Variants in CNTN5 observed in about 807,000 individuals in gnomAD.
CNTN5 encodes the protein contactin 5.
CNTN5 carries 77 observed loss-of-function variants against 129.1 expected under a neutral mutation model. The ratio of observed to expected loss-of-function variants is 0.60; its 90% CI spans 0.50 to 0.72. The LOEUF (loss-of-function observed/expected upper bound fraction) is 0.72. Ranked by LOEUF, CNTN5 falls within the 30% of genes least tolerant of loss-of-function variation. The pLI is 0.00. For missense variants in CNTN5, 1,478 were observed against 1,328.8 expected, an observed-to-expected ratio of 1.11 and a Z score of -1.75; for synonymous variants, 509 against 465.6, an observed-to-expected ratio of 1.09 and a Z score of -1.20.
At chr11:99,569,144 T>G (rs1376185513) in intron 3 of CNTN5, among the ~76,000 whole-genome samples, 1 of 152,140 alleles carries the variant, frequency 6.6e-6, no homozygotes, top group Non-Finnish European at 1.5e-5. Flanking sequence ...TTGAATATTT[T>G]GCAATTATGA....
At chr11:99,099,708 G>C (rs563772036) in intron 1 of CNTN5, among the ~76,000 whole-genome samples, 7 of 152,168 alleles carry the variant, frequency 4.6e-5, no homozygotes, top group South Asian at 4.1e-4. Flanking sequence ...CCCAGTATTT[G>C]CTGTTTTTCT....
chr11:99,629,121 A>C (rs1410040184), intron 3 of CNTN5, among the ~76,000 whole-genome samples: 1 of 152,076 alleles, frequency 6.6e-6, no homozygotes, highest in African/African-American at 2.4e-5. Context: ...TTACAGGCCT[A>C]CTAATGAAAA....
intron 3 of CNTN5, among the ~76,000 whole-genome samples, chr11:99,616,754 A>C (rs1277831621): frequency 6.6e-6 from 1 of 152,202 alleles, no homozygotes; most frequent in Non-Finnish European, 1.5e-5. Context: ...GAGGTAAAGA[A>C]GGTGAAATAT....
intron 3 of CNTN5, among the ~76,000 whole-genome samples, chr11:99,575,163 T>A (rs1223808658): frequency 2.0e-5 from 3 of 152,240 alleles, no homozygotes; most frequent in African/African-American, 7.2e-5. Flanking sequence ...ACCTTAAGTA[T>A]CTCAATTTTT....
At chr11:100,169,307 G>T (rs1005911694) in intron 13 of CNTN5, among the ~76,000 whole-genome samples, 5 of 151,974 alleles carry the variant, frequency 3.3e-5, no homozygotes, top group South Asian at 2.1e-4. Flanking sequence ...TTTCATGAAA[G>T]GAAGAGTCCA....
chr11:99,757,460 T>A (rs1449714745), intron 3 of CNTN5, among the ~76,000 whole-genome samples: 3 of 151,948 alleles, frequency 2.0e-5, no homozygotes, highest in African/African-American at 7.2e-5. Context: ...AACTTCATTT[T>A]AACTTGATTA....
Position 99,255,228 on chromosome 11 carries a change from A to G in CNTN5, c.-209-70118A>G, listed in dbSNP as rs12417476. Among the ~76,000 whole-genome samples the G allele has an allele frequency of 3.8e-3, 583 of 151,994 alleles. 8 individuals are homozygous for G. In the East Asian group the frequency reaches 0.046, roughly 12 times the overall value. On this transcript the variant is annotated intron_variant, in intron 1 of 24. Coordinates refer to ENST00000524871, the MANE Select transcript of CNTN5 (RefSeq NM_014361.4). Reference sequence around the variant, plus strand: ...CCAGAAAAGAGTTAATGATTTGGGGATGATTATTTTTAAAATATATCCAGA... The same window carrying G: ...CCAGAAAAGAGTTAATGATTTGGGGGTGATTATTTTTAAAATATATCCAGA...
chr11:100,070,014 C>G (rs1206320248), intron 10 of CNTN5, among the ~76,000 whole-genome samples: 2 of 151,952 alleles, frequency 1.3e-5, no homozygotes, highest in Non-Finnish European at 2.9e-5. Flanking sequence ...TATATATACA[C>G]AGAGAGATAG....
chr11:100,144,377 C>G (rs1205026319), intron 13 of CNTN5, among the ~76,000 whole-genome samples: 2 of 152,086 alleles, frequency 1.3e-5, no homozygotes, highest in African/African-American at 4.8e-5. Context: ...CTCCTGCTTT[C>G]CTTCCACTTT....
chr11:99,925,631 G>A (rs1388215386), intron 7 of CNTN5, among the ~76,000 whole-genome samples: 1 of 152,082 alleles, frequency 6.6e-6, no homozygotes, highest in East Asian at 1.9e-4. Context: ...GAGGTCTTCA[G>A]TTTTTGTGTA....
chr11:100,045,953 TTTA>T (rs1942646021), intron 9 of CNTN5, among the ~76,000 whole-genome samples: 1 of 152,066 alleles, frequency 6.6e-6, no homozygotes, highest in South Asian at 2.1e-4. Context: ...ATTAACATCT[TTTA>T]TTTTATTTTA....
At chr11:99,180,845 T>C (rs1032555981) in intron 1 of CNTN5, among the ~76,000 whole-genome samples, 3 of 152,190 alleles carry the variant, frequency 2.0e-5, no homozygotes. Flanking sequence ...GAGAGTCATA[T>C]TGTGAGAATT....
intron 2 of CNTN5, among the ~76,000 whole-genome samples, chr11:99,356,190 C>CT (rs1565516507): frequency 1.3e-5 from 1 of 79,094 alleles, no homozygotes; most frequent in Admixed American, 1.2e-4. Flanking sequence ...CCTTAACCAC[C>CT]CCCCCCCAAC....
At chr11:99,926,238 A>T (rs1288060985) in intron 7 of CNTN5, among the ~76,000 whole-genome samples, 1 of 152,116 alleles carries the variant, frequency 6.6e-6, no homozygotes, top group African/African-American at 2.4e-5. Flanking sequence ...GTTGGCAGAG[A>T]TTAGTTGACA....
intron 1 of CNTN5, among the ~76,000 whole-genome samples, chr11:99,153,616 A>G (rs1441423772): frequency 1.3e-5 from 2 of 151,350 alleles, no homozygotes; most frequent in African/African-American, 4.9e-5. Flanking sequence ...ATTTCTATCT[A>G]TATCACAAAT....
chr11:99,648,533 G>A (rs887494416), intron 3 of CNTN5, among the ~76,000 whole-genome samples: 1 of 151,788 alleles, frequency 6.6e-6, no homozygotes, highest in Admixed American at 6.6e-5. Flanking sequence ...ACTAAAAATA[G>A]CACTACCATA....
At chr11:100,059,277 A>G (rs1383306136) in intron 9 of CNTN5, among the ~76,000 whole-genome samples, 1 of 152,198 alleles carries the variant, frequency 6.6e-6, no homozygotes, top group Admixed American at 6.5e-5. Flanking sequence ...AAAATGATAC[A>G]AAATGCTACC....
chr11:99,030,179 C>T (rs1026504717), intron 1 of CNTN5, among the ~76,000 whole-genome samples: 3 of 152,092 alleles, frequency 2.0e-5, no homozygotes, highest in Non-Finnish European at 4.4e-5. Context: ...ATGATATTGA[C>T]TACTAACTCA....
chr11:99,173,926 T>G (rs1857648316), intron 1 of CNTN5, among the ~76,000 whole-genome samples: 2 of 152,136 alleles, frequency 1.3e-5, no homozygotes, highest in Admixed American at 1.3e-4. Context: ...AAGAGCTATT[T>G]AGGAGGTTAA....
Sources: allele counts gnomAD v4.1 joint callset (sites outside exome capture counted in the v4.1 genomes callset), GRCh38; gene constraint gnomAD v4.1.1; transcripts MANE v1.5; gene names NCBI Gene and HGNC (gene_info 2026-07-23, HGNC 2026-07-21).